TEX14: variants seen among roughly 807,000 people sequenced by gnomAD.
The protein encoded by TEX14 is testis expressed 14, intercellular bridge forming factor, also known as inactive serine/threonine-protein kinase TEX14.
Under a neutral mutation model 178.6 loss-of-function variants are expected in TEX14, and 168 were observed. The ratio of observed to expected loss-of-function variants is 0.94; its 90% confidence interval spans 0.83 to 1.07. The LOEUF (loss-of-function observed/expected upper bound fraction) is 1.07, where lower values mean the gene tolerates loss of function less well. Ranked by LOEUF, TEX14 falls within the 50% of genes least tolerant of loss-of-function variation. The pLI is 0.00. For synonymous variants in TEX14, 626 were observed against 634.1 expected (o/e 0.99, Z 0.19); for missense variants, 1,730 against 1,753.6 (o/e 0.99, Z 0.24).
chr17:58,608,766 G>T (rs2045676171), intron 10 of TEX14, among the ~76,000 whole-genome samples: 1 of 152,232 alleles, frequency 6.6e-6, no homozygotes, highest in Non-Finnish European at 1.5e-5. Flanking sequence ...TTCACAGAGA[G>T]TGTTGGGAGA....
chr17:58,642,542 T>G (rs963891535), intron 2 of TEX14, among the ~76,000 whole-genome samples: 2 of 151,874 alleles, frequency 1.3e-5, no homozygotes, highest in African/African-American at 4.8e-5. Flanking sequence ...ATTTATTTTT[T>G]TTTTTATGGA....
chr17:58,566,013 ATG>A (rs1450726670), intron 26 of TEX14, among the ~76,000 whole-genome samples, 189 bp from the exon 27 acceptor site: 12 of 152,154 alleles, frequency 7.9e-5, no homozygotes, highest in African/African-American at 2.7e-4. Flanking sequence ...GGGTCTAGCA[ATG>A]TGTGTTTTAC....
At chr17:58,684,618 G>A (rs1238466465) in intron 1 of TEX14, among the ~76,000 whole-genome samples, 1 of 149,732 alleles carries the variant, frequency 6.7e-6, no homozygotes, top group Non-Finnish European at 1.5e-5. Context: ...GGGCGACAGT[G>A]AGACCCTGTC....
chr17:58,611,285 T>C lies in TEX14; in HGVS notation c.1060A>G (p.Ile354Val). Reference protein sequence around the residue: ...MEVIVHLLLQISDALRYLHFQ... With the variant: ...MEVIVHLLLQVSDALRYLHFQ... The stretch of plus-strand genomic sequence containing the variant: ...TGCAGGTATCTCAGGGCATCAGATA[T>C]CTGGAGCAGCAGGTGCACAATCACC... Residue 354 changes from isoleucine to valine, a missense_variant, in exon 10 of 32, where the codon ATA becomes GTA. This residue lies in a region of TEX14 where 789 missense variants were observed against 681.2 expected (regional missense o/e 1.16). Coordinates refer to ENST00000349033, the MANE Select transcript of TEX14 (RefSeq NM_031272.5). 2 of 1,612,860 alleles carry C rather than the reference T, an allele frequency of 1.2e-6. No homozygotes were observed. The highest frequency in any genetic ancestry group is 1.3e-5 in the African/African-American group (1 of 74,912).
chr17:58,574,341 G>C lies in TEX14; in HGVS notation c.3321-92C>G. On this transcript the variant is annotated intron_variant, in intron 21 of 31. Transcript: ENST00000349033. Reference sequence around the variant, plus strand: ...TACAAGGAACCAGTTGATCAGCCCAGTGTGAGACGCAGAGGAAAGGGCACT... The same window carrying C: ...TACAAGGAACCAGTTGATCAGCCCACTGTGAGACGCAGAGGAAAGGGCACT... 7.3e-6 allele frequency: 7 copies of C among 960,378 alleles called. 1 individual carries two copies. In the South Asian group the frequency reaches 9.3e-5, roughly 13 times the overall value. The allele number at this position is 960,378 out of a possible 1,614,324, so 59.5% of individuals were successfully genotyped here.
At chr17:58,631,169 AT>A (rs1251374892) in intron 2 of TEX14, 13 of 984,776 alleles carry the variant, frequency 1.3e-5, no homozygotes, top group Non-Finnish European at 1.4e-5. Flanking sequence ...AAAAATTGAA[AT>A]CCCACAAGCC....
chr17:58,622,906 C>G lies in TEX14; in HGVS notation c.358G>C (p.Glu120Gln). ...DAGGDLRLHD[E>Q]RGQNPKTWAL... is the part of the protein sequence containing the mutation. Reference sequence around the variant, plus strand: ...CAAGTCTTCGGGTTTTGACCCCTCTCATCGTGGAGTCGCAGGTCACCTCCT... The same window carrying G: ...CAAGTCTTCGGGTTTTGACCCCTCTGATCGTGGAGTCGCAGGTCACCTCCT... The change falls in exon 4 of 32, where the codon GAG becomes CAG. Residue 120 changes from glutamate (E) to glutamine (Q), a missense_variant. Transcript: ENST00000349033. The G allele has an allele frequency of 6.2e-7, 1 of 1,613,456 alleles. No homozygotes were observed. The highest frequency in any genetic ancestry group is 8.5e-7 in the Non-Finnish European group (1 of 1,179,498).
chr17:58,641,138 C>T (rs1231970253), intron 2 of TEX14, among the ~76,000 whole-genome samples: 2 of 152,008 alleles, frequency 1.3e-5, no homozygotes, highest in Non-Finnish European at 2.9e-5. Flanking sequence ...TGGCTGAGAG[C>T]GGTAGCTCAC....
chr17:58,599,553 A>G lies in TEX14; in HGVS notation c.1792T>C (p.Cys598Arg). The change falls in exon 14 of 32, where the codon TGC (cysteine) becomes CGC (arginine). Residue 598 changes from cysteine (C) to arginine (R), a missense_variant. Cys to Arg is a radical substitution (Grantham distance 180). This residue lies in a region of TEX14 where 941 missense variants were observed against 1,072.4 expected (regional missense o/e 0.88). Transcript: ENST00000349033. ...TCTTCTGCCATAAATGGAGCAGGGC[A>G]AGGAGCATCTTGATTCTGAGTCTCC... is the stretch of plus-strand genomic sequence containing the variant. ...ARETQNQDAP[C>R]PAPFMAEEAS... 6.2e-7 allele frequency: 1 copy of G among 1,614,086 alleles called. No homozygotes were observed.
intron 1 of TEX14, among the ~76,000 whole-genome samples, chr17:58,657,002 T>C (rs769953957): frequency 4.6e-4 from 70 of 151,354 alleles, no homozygotes; most frequent in Non-Finnish European, 7.7e-4. Context: ...AGAGGTGGGA[T>C]CTTGCTACAT....
intron 1 of TEX14, chr17:58,660,931 T>C (rs746122834): frequency 2.1e-6 from 2 of 962,792 alleles, no homozygotes; most frequent in East Asian, 4.8e-5. Flanking sequence ...TTGAAGAGTC[T>C]TTCTCTCCCA....
At position 58,621,662 on chromosome 17, in the gene TEX14, C is replaced by T. The variant is rs1486593274; in HGVS notation, c.542G>A (p.Gly181Asp). 6.2e-7 allele frequency: 1 copy of T among 1,613,412 alleles called. No individual in the cohort carries two copies. Among genetic ancestry groups the T allele is most frequent in the Non-Finnish European group, 8.5e-7 (1 of 1,179,688 alleles). ...AGGCAGTACTCACCCCTGCACGAGG[C>T]CCCCACACCAGGACGGGCTGTAGAC... ...RLVYSPSWCG[G>D]LVQGNPNGSP... The change falls in exon 5 of 32, where the codon GGC (glycine) becomes GAC (aspartate). Residue 181 changes from glycine (G) to aspartate (D), a missense_variant. Physicochemically the swap from Gly to Asp is moderately conservative, Grantham distance 94. Around this residue, in one of 2 missense-constraint regions of TEX14, gnomAD observed 789 missense variants for 681.2 expected, o/e 1.16. Coordinates refer to ENST00000349033, the MANE Select transcript of TEX14 (RefSeq NM_031272.5).
chr17:58,589,700 A>C (rs2045077236), intron 15 of TEX14, among the ~76,000 whole-genome samples: 2 of 149,322 alleles, frequency 1.3e-5, no homozygotes, highest in South Asian at 4.3e-4. Flanking sequence ...TTCCTTTTTA[A>C]AAAAATAAAA....
At chr17:58,639,117 G>A (rs547964325) in intron 2 of TEX14, among the ~76,000 whole-genome samples, 4 of 151,252 alleles carry the variant, frequency 2.6e-5, no homozygotes, top group East Asian at 2.0e-4. Flanking sequence ...CACCCACCTC[G>A]GCCTCTCAAA....
At chr17:58,581,554 G>A (rs1175386071) in intron 19 of TEX14, 1 of 1,582,136 alleles carries the variant, frequency 6.3e-7, no homozygotes, top group East Asian at 2.2e-5. Context: ...CTCAATAAAA[G>A]AAATAAGGCA....
chr17:58,662,743 T>C (rs571487828), intron 1 of TEX14, among the ~76,000 whole-genome samples: 1 of 152,330 alleles, frequency 6.6e-6, no homozygotes, highest in Admixed American at 6.5e-5. Context: ...TGCTCAGAAA[T>C]ATGAGAGTGA....
At chr17:58,666,980 T>G (rs1310498188) in intron 1 of TEX14, among the ~76,000 whole-genome samples, 1 of 152,170 alleles carries the variant, frequency 6.6e-6, no homozygotes, top group African/African-American at 2.4e-5. Flanking sequence ...TCGGCCCGCT[T>G]CCAACCAGCA....
chr17:58,636,336 A>C (rs1794124251), intron 2 of TEX14, among the ~76,000 whole-genome samples: 4 of 152,218 alleles, frequency 2.6e-5, no homozygotes. Context: ...GAAAAGGTTA[A>C]AAGACCTGGA....
intron 1 of TEX14, chr17:58,661,352 AC>A: frequency 1.1e-6 from 1 of 907,178 alleles, no homozygotes; most frequent in Non-Finnish European, 1.9e-6. Context: ...AAACGCTGGC[AC>A]CATCAGGTAC....
Sources: gnomAD v4.1 joint callset for allele counts (sites outside exome capture counted in the v4.1 genomes callset) on GRCh38, gnomAD v4.1.1 for gene constraint, gnomAD v4.1.1 regional missense constraint, MANE v1.5 for transcripts, NCBI Gene and HGNC (gene_info 2026-07-23, HGNC 2026-07-21) for gene names.